Variants in SLC35F4 observed in about 807,000 individuals in gnomAD.
SLC35F4 encodes the protein chromosome 14 open reading frame 36.
Under a neutral mutation model 44.2 loss-of-function variants are expected in SLC35F4, and 24 were observed. The ratio of observed to expected loss-of-function variants is 0.54; its 90% confidence interval spans 0.39 to 0.76. SLC35F4 has a LOEUF of 0.76. Among genes scored for constraint, SLC35F4 ranks in the 30% least tolerant of loss-of-function variants. SLC35F4 has a pLI of 0.00. For synonymous variants in SLC35F4, 238 were observed against 223.6 expected (o/e 1.06, Z -0.57); for missense variants, 562 against 586.1 (o/e 0.96, Z 0.42).
intron 1 of SLC35F4, among the ~76,000 whole-genome samples, chr14:57,874,817 A>G (rs1888364907): frequency 6.6e-6 from 1 of 152,182 alleles, no homozygotes; most frequent in South Asian, 2.1e-4. Flanking sequence ...CTTGGTAGAC[A>G]GAAGGAATGC....
intron 1 of SLC35F4, among the ~76,000 whole-genome samples, chr14:57,673,044 A>T (rs749128780): frequency 2.0e-5 from 3 of 152,140 alleles, no homozygotes; most frequent in Non-Finnish European, 4.4e-5. Flanking sequence ...TTCAAATCTG[A>T]GCCAGCAATT....
In SLC35F4 at chr14:57,578,325, G is replaced by GTTTTTTTTTTTTTTT. The variant is rs199785589; in HGVS notation, c.807+2874_807+2888dup. Among the ~76,000 whole-genome samples, 97 of 43,166 alleles carry GTTTTTTTTTTTTTTT rather than the reference G, an allele frequency of 2.2e-3. 37 individuals carry two copies. Among genetic ancestry groups the GTTTTTTTTTTTTTTT allele is most frequent in the South Asian group, 5.4e-3 (5 of 924 alleles). 28.3% of individuals were successfully genotyped at this position (43,166 alleles called of 152,430 possible). A position where few individuals can be genotyped will look rare whatever the true frequency, so the allele number is the denominator to read the frequency against. ...GATGACTGAAAGCATCCCTTTAACT[G>GTTTTTTTTTTTTTTT]TTTTTTTTTTTTTTTTTTTTTTTTT... On this transcript the variant is annotated intron_variant, in intron 4 of 7. Coordinates refer to ENST00000556826, the MANE Select transcript of SLC35F4 (RefSeq NM_001306087.2).
At chr14:57,640,651 TTAAG>T (rs2073185002) in intron 1 of SLC35F4, among the ~76,000 whole-genome samples, 1 of 152,066 alleles carries the variant, frequency 6.6e-6, no homozygotes, top group South Asian at 2.1e-4. Context: ...CTCAGGGAAG[TTAAG>T]TAAAATAACT....
intron 1 of SLC35F4, among the ~76,000 whole-genome samples, chr14:57,628,581 A>C (rs1169638835): frequency 6.7e-6 from 1 of 149,186 alleles, no homozygotes; most frequent in Non-Finnish European, 1.5e-5. Flanking sequence ...GTTTGCTGAG[A>C]ATGATGGTTT....
chr14:57,756,382 C>T (rs1464605345), intron 1 of SLC35F4, among the ~76,000 whole-genome samples: 1 of 151,878 alleles, frequency 6.6e-6, no homozygotes, highest in Non-Finnish European at 1.5e-5. Flanking sequence ...TTTCTAGATA[C>T]GTTTTTGTAT....
intron 1 of SLC35F4, among the ~76,000 whole-genome samples, chr14:57,676,723 C>T (rs2074706891): frequency 6.6e-6 from 1 of 152,068 alleles, no homozygotes; most frequent in South Asian, 2.1e-4. Flanking sequence ...TACCACCTTA[C>T]TCTGGCAAGA....
intron 1 of SLC35F4, among the ~76,000 whole-genome samples, chr14:57,877,765 A>T (rs1888432747): frequency 7.3e-6 from 1 of 137,108 alleles, no homozygotes; most frequent in Non-Finnish European, 1.5e-5. Context: ...GCTCACTGCA[A>T]CCTCTGCCTC....
At chr14:57,781,478 G>C (rs1456984112) in intron 1 of SLC35F4, among the ~76,000 whole-genome samples, 2 of 152,172 alleles carry the variant, frequency 1.3e-5, no homozygotes, top group African/African-American at 2.4e-5. Flanking sequence ...GTGTAAATTA[G>C]TTCAACCATT....
intron 1 of SLC35F4, among the ~76,000 whole-genome samples, chr14:57,933,326 C>T (rs1252820470): frequency 6.6e-6 from 1 of 152,064 alleles, no homozygotes; most frequent in African/African-American, 2.4e-5. Context: ...CCTGGCCTCT[C>T]CTATTTACTT....
chr14:57,853,091 T>C (rs1262206552), intron 1 of SLC35F4, among the ~76,000 whole-genome samples: 1 of 152,232 alleles, frequency 6.6e-6, no homozygotes, highest in Non-Finnish European at 1.5e-5. Context: ...ACCTGTTGTA[T>C]TGCCCTATCT....
intron 1 of SLC35F4, chr14:57,595,653 T>C (rs1164964017): frequency 6.6e-6 from 1 of 152,254 alleles, no homozygotes; most frequent in African/African-American, 2.4e-5. Context: ...TGGGTTATGA[T>C]CAAACCTGCA....
chr14:57,905,199 T>C (rs1261504795), intron 1 of SLC35F4, among the ~76,000 whole-genome samples: 2 of 152,174 alleles, frequency 1.3e-5, no homozygotes, highest in African/African-American at 2.4e-5. Context: ...GCCTGCCAAG[T>C]TGGTGCTGGC....
At chr14:57,749,342 C>G (rs1320966486) in intron 1 of SLC35F4, among the ~76,000 whole-genome samples, 21 of 152,220 alleles carry the variant, frequency 1.4e-4, no homozygotes, top group Admixed American at 9.8e-4. Flanking sequence ...AGTAACCATT[C>G]AGAAACTTTC....
upstream of SLC35F4, chr14:57,982,199 G>A (rs1881401948): frequency 1.3e-5 from 2 of 152,208 alleles, no homozygotes; most frequent in South Asian, 2.1e-4. Context: ...ATGAGTGGAG[G>A]AGACAGAGTG....
intron 4 of SLC35F4, 41 bp from the exon 5 acceptor site, chr14:57,572,060 C>T (rs2139708173): frequency 6.3e-7 from 1 of 1,586,454 alleles, no homozygotes; most frequent in Middle Eastern, 1.7e-4. Flanking sequence ...GCAATGATCC[C>T]TCTGTATCCT....
At chr14:57,895,931 T>C (rs1888860218) in intron 1 of SLC35F4, among the ~76,000 whole-genome samples, 1 of 152,124 alleles carries the variant, frequency 6.6e-6, no homozygotes, top group African/African-American at 2.4e-5. Context: ...TGGAAGGTAG[T>C]AATTTATACA....
At chr14:57,565,840 G>A (rs372978733) in intron 7 of SLC35F4, among the ~76,000 whole-genome samples, 10 of 152,104 alleles carry the variant, frequency 6.6e-5, no homozygotes, top group South Asian at 4.2e-4. Context: ...GCTGATTGTC[G>A]TGGAGGACAG....
chr14:57,680,494 A>C lies in SLC35F4; in HGVS notation c.104-86370T>G, dbSNP rs143319536. 5.0e-4 allele frequency among the ~76,000 whole-genome samples: 76 copies of C among 152,240 alleles called. No individual in the cohort carries two copies. The Middle Eastern group carries it at 0.01, about 20-fold the overall frequency. On this transcript the variant is annotated intron_variant, in intron 1 of 7. Transcript: ENST00000556826. ...AAGGATGCCCTCTCTCACCACTCCT[A>C]TTCAACATATTGGAAGTTCTGGCCA...
At chr14:57,899,533 G>A (rs1041796505) in intron 1 of SLC35F4, among the ~76,000 whole-genome samples, 1 of 152,312 alleles carries the variant, frequency 6.6e-6, no homozygotes, top group East Asian at 1.9e-4. Flanking sequence ...TACAAGATAT[G>A]TACAATTCCA....
Sources: gnomAD v4.1 joint callset for allele counts (sites outside exome capture counted in the v4.1 genomes callset) on GRCh38, gnomAD v4.1.1 for gene constraint, MANE v1.5 for transcripts, NCBI Gene and HGNC (gene_info 2026-07-23, HGNC 2026-07-21) for gene names.